The following EFCAB6 variants were observed in gnomAD, a reference collection of about 807,000 sequenced individuals.
The protein encoded by EFCAB6 is EF-hand calcium binding domain 6.
A neutral mutation model predicts 169.8 loss-of-function variants in EFCAB6; 156 were observed. The observed-to-expected ratio is 0.92, with a 90% confidence interval of 0.81 to 1.05. EFCAB6 has a LOEUF of 1.05. EFCAB6 is among the 50% of genes least tolerant of loss of function. The probability of loss-of-function intolerance (pLI) is 0.00; values close to 1 mark genes in which losing one functional copy is unlikely to be tolerated. For missense variants in EFCAB6, 1,800 were observed against 1,829.1 expected, an observed-to-expected ratio of 0.98 and a Z score of 0.29; for synonymous variants, 698 against 676.4, an observed-to-expected ratio of 1.03 and a Z score of -0.50.
At chr22:43,729,011 A>G (rs1272814518) in intron 8 of EFCAB6, among the ~76,000 whole-genome samples, 1 of 152,232 alleles carries the variant, frequency 6.6e-6, no homozygotes, top group African/African-American at 2.4e-5. Flanking sequence ...GGTATTGCCT[A>G]GGTTTTCTTT....
intron 20 of EFCAB6, among the ~76,000 whole-genome samples, chr22:43,616,816 C>T (rs900502939): frequency 1.7e-4 from 26 of 152,166 alleles, no homozygotes; most frequent in African/African-American, 5.6e-4. Context: ...GATCTTTCCA[C>T]GCACTAGAAC....
In EFCAB6 at chr22:43,655,330, C is replaced by T. The variant is rs1483925853; in HGVS notation, c.1983+11774G>A. ...ACTATCACACAAAAGAGAAGAGGGG[C>T]TAAAGGGAGTATTTTAAAAATCTAG... On this transcript the variant is annotated intron_variant, in intron 17 of 31. Transcript: ENST00000262726. Among the ~76,000 whole-genome samples, 4 of 151,910 alleles carry T rather than the reference C, an allele frequency of 2.6e-5. No individual in the cohort carries two copies. The East Asian group carries it at 7.7e-4, about 29-fold the overall frequency.
Position 43,711,509 on chromosome 22 carries a change from T to A in EFCAB6, c.997A>T (p.Ile333Leu). ...AACTGGATAAAAATTCTTCTTGGTA[T>A]TTGGTATACAAAAGTGTCGAGGACA... ...KIVLDTFVYQ[I>L]PRRIFIQLMK... Residue 333 changes from isoleucine (I) to leucine (L), a missense_variant, in exon 10 of 32, where the codon ATA becomes TTA. Transcript: ENST00000262726. 6.3e-7 allele frequency: 1 copy of A among 1,591,406 alleles called. No homozygotes were observed.
chr22:43,809,763 AT>A (rs1239932308), intron 1 of EFCAB6, among the ~76,000 whole-genome samples: 1 of 152,114 alleles, frequency 6.6e-6, no homozygotes, highest in Non-Finnish European at 1.5e-5. Flanking sequence ...GCCTGCCACC[AT>A]GCCTGGCTAA....
Position 43,530,798 on chromosome 22 carries a change from C to T in EFCAB6, c.4383+17G>A, listed in dbSNP as rs771631087. The T allele has an allele frequency of 3.1e-6, 5 of 1,612,766 alleles. No homozygotes were observed. Among genetic ancestry groups the T allele is most frequent in the Non-Finnish European group, 4.2e-6 (5 of 1,179,934 alleles). ...AGCTGCTCCCTGCAGAGGCACTGGG[C>T]GCAGAGCTGTGCTCACCGTCCTGAA... On this transcript the variant is annotated intron_variant, in intron 31 of 31. Transcript: ENST00000262726.
At chr22:43,748,228 T>C (rs1486434182) in intron 6 of EFCAB6, among the ~76,000 whole-genome samples, 2 of 152,168 alleles carry the variant, frequency 1.3e-5, no homozygotes, top group African/African-American at 4.8e-5. Context: ...ATAACCCCCT[T>C]ATCAGAAACC....
At chr22:43,710,600 G>A (rs2059124903) in intron 10 of EFCAB6, among the ~76,000 whole-genome samples, 1 of 152,094 alleles carries the variant, frequency 6.6e-6, no homozygotes, top group African/African-American at 2.4e-5. Flanking sequence ...GTTGGAGAGG[G>A]GAAGTTGTTA....
chr22:43,562,599 GGC>G (rs2049120297), intron 26 of EFCAB6, among the ~76,000 whole-genome samples: 1 of 101,542 alleles, frequency 9.8e-6, no homozygotes, highest in African/African-American at 4.2e-5. Context: ...GTTGGAGGGA[GGC>G]AGCCCAGGTC....
At chr22:43,631,170 C>A (rs569676854) in intron 19 of EFCAB6, among the ~76,000 whole-genome samples, 1 of 151,834 alleles carries the variant, frequency 6.6e-6, no homozygotes, top group Non-Finnish European at 1.5e-5. Context: ...TCACCCATCT[C>A]CATTCTGCCT....
At chr22:43,663,269 C>G (rs1048013856) in intron 17 of EFCAB6, among the ~76,000 whole-genome samples, 4 of 152,116 alleles carry the variant, frequency 2.6e-5, no homozygotes, top group African/African-American at 7.2e-5. Context: ...CAAAGGCTTC[C>G]ACAACACTGA....
intron 17 of EFCAB6, among the ~76,000 whole-genome samples, chr22:43,650,586 C>A (rs574170779): frequency 6.6e-6 from 1 of 152,138 alleles, no homozygotes; most frequent in East Asian, 1.9e-4. Context: ...GAAAAGATAC[C>A]TGAAAATGTG....
chr22:43,651,097 A>C (rs1007426240), intron 17 of EFCAB6, among the ~76,000 whole-genome samples: 1 of 152,192 alleles, frequency 6.6e-6, no homozygotes, highest in Non-Finnish European at 1.5e-5. Flanking sequence ...CGAGGAGGAG[A>C]ATATTAATCC....
rs73887349 is a variant in EFCAB6, at chr22:43,590,794, C to T, written c.2877-565G>A. On this transcript the variant is annotated intron_variant, in intron 23 of 31. Transcript: ENST00000262726. ...GTTTGTAGGTTTGTAGGTTTACATG[C>T]ACTTTGGCTATAGGCTCTTTTTCTT... Among the ~76,000 whole-genome samples, 572 of 150,338 alleles carry T rather than the reference C, an allele frequency of 3.8e-3. 2 individuals are homozygous for T. Among genetic ancestry groups the T allele is most frequent in the African/African-American group, 0.013 (547 of 40,928 alleles).
At chr22:43,784,718 C>CACATATATAT (rs1256297031) in intron 2 of EFCAB6, among the ~76,000 whole-genome samples, 3 of 112,184 alleles carry the variant, frequency 2.7e-5, no homozygotes, top group African/African-American at 1.0e-4. Context: ...CACACACACA[C>CACATATATAT]ATATATATAT....
intron 15 of EFCAB6, among the ~76,000 whole-genome samples, chr22:43,669,772 A>G (rs1367897214): frequency 6.6e-6 from 1 of 152,238 alleles, no homozygotes; most frequent in Non-Finnish European, 1.5e-5. Flanking sequence ...AAAAAGAATT[A>G]TAAAAAATTA....
intron 15 of EFCAB6, among the ~76,000 whole-genome samples, chr22:43,670,441 G>A (rs2057439212): frequency 6.6e-6 from 1 of 152,130 alleles, no homozygotes; most frequent in Non-Finnish European, 1.5e-5. Flanking sequence ...AAGTACCAAG[G>A]ACTGCTGTAA....
At chr22:43,584,214 G>C (rs140776684) in intron 24 of EFCAB6, among the ~76,000 whole-genome samples, 131 of 152,290 alleles carry the variant, frequency 8.6e-4, no homozygotes, top group African/African-American at 3.1e-3. Context: ...GTGGCAGAGG[G>C]AGGAGGAGAA....
At position 43,758,411 on chromosome 22, in the gene EFCAB6, ATTCTT is replaced by A. The variant is rs562818292; in HGVS notation, c.441-2584_441-2580del. Among the ~76,000 whole-genome samples the A allele has an allele frequency of 2.2e-4, 34 of 152,224 alleles. 1 individual carries two copies. The East Asian group carries it at 6.6e-3, about 29-fold the overall frequency. On this transcript the variant is annotated intron_variant, in intron 5 of 31. Transcript: ENST00000262726. The stretch of plus-strand genomic sequence containing the variant: ...GTTGGGAATTAAATACTTTGTTTCT[ATTCTT>A]TAGCAGTTACCCTAAAAATCACAAT...
rs781407009 is a variant in EFCAB6, at chr22:43,540,213, G to T, written c.3793C>A (p.Pro1265Thr). Residue 1265 changes from proline to threonine, a missense_variant, in exon 28 of 32, where the codon CCT becomes ACT. Physicochemically the swap from Pro to Thr is conservative, Grantham distance 38 (BLOSUM62 -1). Transcript: ENST00000262726. ...GATCTGGTGCCTTCCGAGACGTCAG[G>T]GACACTGCTCCCTCTCTGGGCCACG... ...SAVAQRGSSV[P>T]DVSEGTRSAL... 2 of 1,614,210 alleles carry T rather than the reference G, an allele frequency of 1.2e-6. No homozygotes were observed. The highest frequency in any genetic ancestry group is 1.1e-5 in the South Asian group (1 of 91,084).
Sources: allele counts gnomAD v4.1 joint callset (sites outside exome capture counted in the v4.1 genomes callset), GRCh38; gene constraint gnomAD v4.1.1; transcripts MANE v1.5; gene names NCBI Gene and HGNC (gene_info 2026-07-23, HGNC 2026-07-21).